Variants in DNAH10 observed in about 807,000 individuals in gnomAD.
DNAH10 encodes axonemal beta dynein heavy chain 10.
DNAH10 carries 348 observed loss-of-function variants against 506.6 expected under a neutral mutation model. That is an observed-to-expected ratio of 0.69 (90% confidence interval 0.63 to 0.75). The LOEUF (loss-of-function observed/expected upper bound fraction) is 0.75, where lower values mean the gene tolerates loss of function less well. Among genes scored for constraint, DNAH10 ranks in the 30% least tolerant of loss-of-function variants. The pLI, the probability that DNAH10 is intolerant of heterozygous loss-of-function variation, is 0.00. For missense variants in DNAH10, 5,179 were observed against 5,787.1 expected (o/e 0.89, Z 3.41); for synonymous variants, 2,059 against 2,198.6 (o/e 0.94, Z 1.78).
chr12:123,797,028 G>A (rs945192998), intron 13 of DNAH10, among the ~76,000 whole-genome samples, 196 bp downstream of exon 13: 2 of 152,122 alleles, frequency 1.3e-5, no homozygotes, highest in Non-Finnish European at 2.9e-5. Flanking sequence ...GTGCCACCAC[G>A]TCCGGCTAAT....
intron 38 of DNAH10, among the ~76,000 whole-genome samples, chr12:123,859,524 C>T (rs1397391944): frequency 6.6e-6 from 1 of 152,192 alleles, no homozygotes; most frequent in Admixed American, 6.5e-5. Flanking sequence ...ATTTCACAAA[C>T]TATCTTATAA....
At position 123,799,255 on chromosome 12, in the gene DNAH10, A is replaced by C; in HGVS notation, c.2173A>C (p.Lys725Gln). The change falls in exon 14 of 79, where the codon AAA becomes CAA. Residue 725 changes from lysine (K) to glutamine (Q), a missense_variant. Physicochemically the swap from Lys to Gln is moderately conservative, Grantham distance 53. Transcript: ENST00000673944. ...TTGAATTCTTTGATAGGTCAAACAA[A>C]AATATTTGGAAGTAGGTAGGACAAT... is the stretch of plus-strand genomic sequence containing the variant. Reference protein sequence around the residue: ...DSDRGQEVKQKYLEVGRTMKE... With the variant: ...DSDRGQEVKQQYLEVGRTMKE... 3 of 1,607,404 alleles carry C rather than the reference A, an allele frequency of 1.9e-6. No individual in the cohort carries two copies. The highest frequency in any genetic ancestry group is 2.6e-6 in the Non-Finnish European group (3 of 1,175,542).
rs1954308152 is a variant in DNAH10 at position 123,913,169 on chromosome 12, A to C, written c.10206A>C (p.Ala3402=). 6.2e-7 allele frequency: 1 copy of C among 1,611,624 alleles called. No homozygotes were observed. The highest frequency in any genetic ancestry group is 1.3e-5 in the African/African-American group (1 of 74,922). ...ELERIQNELA[A]IQKELETLGA... is the part of the protein sequence containing the mutation. ...AAAGGATCCAGAATGAGTTGGCAGCAATTCAGAAAGAGCTGGAAACATTGG... is the reference window on the plus strand; with the variant it reads ...AAAGGATCCAGAATGAGTTGGCAGCCATTCAGAAAGAGCTGGAAACATTGG... Residue 3402 remains alanine (A), a synonymous_variant, in exon 60 of 79, where the codon GCA becomes GCC. Coordinates refer to ENST00000673944, the MANE Select transcript of DNAH10 (RefSeq NM_001372106.1). The surrounding 1 kb of genome is among the most constrained non-coding windows in gnomAD (Gnocchi z 5.1).
chr12:123,816,010 C>G (rs924642876), intron 21 of DNAH10, among the ~76,000 whole-genome samples: 2 of 152,226 alleles, frequency 1.3e-5, no homozygotes, highest in Admixed American at 1.3e-4. Context: ...TTTTGTTGCT[C>G]TTTGATCTTT....
In DNAH10 at chr12:123,850,955, C is replaced by T. The variant is rs760818646; in HGVS notation, c.6170C>T (p.Ala2057Val). 2.5e-6 allele frequency: 4 copies of T among 1,613,932 alleles called. No individual in the cohort carries two copies. In the African/African-American group the frequency reaches 5.3e-5, roughly 22 times the overall value. ...TTCATCACCATGAACCCCGGCTACG[C>T]AGGCCGCACGGAGCTGCCCGAGTCG... ...GIFITMNPGY[A>V]GRTELPESVK... Residue 2057 changes from alanine to valine, a missense_variant, in exon 35 of 79, where the codon GCA (alanine) becomes GTA (valine). By Grantham distance (64) the Ala-to-Val change is moderately conservative. This residue lies in a region of DNAH10 where 4,844 missense variants were observed against 5,430.5 expected (regional missense o/e 0.89). Coordinates refer to ENST00000673944, the MANE Select transcript of DNAH10 (RefSeq NM_001372106.1). This position sits in a 1 kb window ranked among gnomAD's most constrained non-coding sequence, Gnocchi z 5.5.
chr12:123,891,485 C>G (rs1440403693), intron 52 of DNAH10, among the ~76,000 whole-genome samples: 1 of 152,136 alleles, frequency 6.6e-6, no homozygotes, highest in Non-Finnish European at 1.5e-5. Flanking sequence ...GAGTCACTGA[C>G]ATGTGGTGGG....
At position 123,796,800 on chromosome 12, in the gene DNAH10, C is replaced by T. The variant is rs748589830; in HGVS notation, c.2131C>T (p.Gln711Ter). 3 of 1,613,802 alleles carry T rather than the reference C, an allele frequency of 1.9e-6. No individual in the cohort carries two copies. Among genetic ancestry groups the T allele is most frequent in the South Asian group, 1.1e-5 (1 of 91,000 alleles). Residue 711 changes from glutamine to a stop codon, truncating the protein, a stop_gained, in exon 13 of 79, where the codon CAA becomes TAA. Coordinates refer to ENST00000673944, the MANE Select transcript of DNAH10 (RefSeq NM_001372106.1). LOFTEE classifies it high-confidence loss of function. ...KHTILRFQEV[Q>*]EILDSDRGQE... ...TACCATCCTCCGATTTCAAGAGGTA[C>T]AAGAGATACTGGACAGTGATCGAGG...
At chr12:123,914,626 G>A in intron 61 of DNAH10, 76 bp downstream of exon 61, 2 of 1,490,254 alleles carry the variant, frequency 1.3e-6, no homozygotes, top group Non-Finnish European at 1.8e-6. Flanking sequence ...CACCCTGGGG[G>A]GAGGCAATGG....
chr12:123,923,586 T>C, intron 65 of DNAH10, 177 bp from the exon 66 acceptor site: 1 of 535,738 alleles, frequency 1.9e-6, no homozygotes, highest in East Asian at 3.2e-5. Flanking sequence ...ACCTAGGAAC[T>C]GAGCTCATCT....
intron 25 of DNAH10, among the ~76,000 whole-genome samples, chr12:123,828,903 T>A (rs1960248611): frequency 6.6e-6 from 1 of 152,170 alleles, no homozygotes; most frequent in Non-Finnish European, 1.5e-5. Context: ...TTGAAAGGAC[T>A]GGGCGGGAAC....
chr12:123,818,699 C>T (rs917720564), intron 21 of DNAH10, among the ~76,000 whole-genome samples: 6 of 152,116 alleles, frequency 3.9e-5, no homozygotes, highest in African/African-American at 1.4e-4. Flanking sequence ...CCAGGCTGGT[C>T]TCAAACTCCT....
intron 5 of DNAH10, among the ~76,000 whole-genome samples, chr12:123,776,509 G>A (rs887724898): frequency 6.6e-6 from 1 of 151,980 alleles, no homozygotes; most frequent in African/African-American, 2.4e-5. Context: ...CTGAGATGGA[G>A]GATGGGGAGA....
At chr12:123,776,098 C>T (rs1957427526) in intron 5 of DNAH10, among the ~76,000 whole-genome samples, 1 of 152,140 alleles carries the variant, frequency 6.6e-6, no homozygotes, top group Non-Finnish European at 1.5e-5. Context: ...TTACCTCCCA[C>T]CAGGTCTCTC....
chr12:123,905,113 A>G (rs1953714504), intron 57 of DNAH10, among the ~76,000 whole-genome samples: 1 of 152,134 alleles, frequency 6.6e-6, no homozygotes, highest in African/African-American at 2.4e-5. Flanking sequence ...ATAACACCCT[A>G]TGCATATCTT....
chr12:123,896,148 C>CACACACACACAT (rs1383690518), intron 54 of DNAH10, among the ~76,000 whole-genome samples: 26 of 95,322 alleles, frequency 2.7e-4, no homozygotes, highest in Non-Finnish European at 3.9e-4. Context: ...CACACACACA[C>CACACACACACAT]AGAGAGAGAG....
chr12:123,931,822 C>G lies in DNAH10; in HGVS notation c.13103C>G (p.Thr4368Arg). The change falls in exon 75 of 79, where the codon ACG becomes AGG. Residue 4368 changes from threonine to arginine, a missense_variant. Around this residue, in one of 3 missense-constraint regions of DNAH10, gnomAD observed 4,844 missense variants for 5,430.5 expected, o/e 0.89. Transcript: ENST00000673944. The part of the protein sequence containing the change: ...ERFNKLVVRM[T>R]KSLAELQRAL... ...TTCAACAAGCTTGTGGTCCGGATGA[C>G]GAAGTCTCTGGCTGAACTTCAAAGG... The G allele has an allele frequency of 1.9e-6, 3 of 1,614,002 alleles. No individual in the cohort carries two copies. The highest frequency in any genetic ancestry group is 2.5e-6 in the Non-Finnish European group (3 of 1,179,882).
intron 11 of DNAH10, among the ~76,000 whole-genome samples, chr12:123,791,050 C>T (rs184413066): frequency 6.6e-6 from 1 of 152,188 alleles, no homozygotes; most frequent in African/African-American, 2.4e-5. Flanking sequence ...TCCCTTCAAC[C>T]TGGGAGGCTG....
At position 123,830,609 on chromosome 12, in the gene DNAH10, G is replaced by C. The variant is rs774278004; in HGVS notation, c.4455G>C (p.Leu1485Phe). The C allele has an allele frequency of 1.9e-6, 3 of 1,613,710 alleles. No individual in the cohort carries two copies. The highest frequency in any genetic ancestry group is 2.5e-6 in the Non-Finnish European group (3 of 1,179,800). Residue 1485 changes from leucine to phenylalanine, a missense_variant, in exon 26 of 79, where the codon TTG becomes TTC. Coordinates refer to ENST00000673944, the MANE Select transcript of DNAH10 (RefSeq NM_001372106.1). ...TTGAAATGACCGAAACGTTCACCTTGGAAAATATGTTTGCTATGGAACTGC... is the reference window on the plus strand; with the variant it reads ...TTGAAATGACCGAAACGTTCACCTTCGAAAATATGTTTGCTATGGAACTGC... ...VFFEMTETFT[L>F]ENMFAMELHK...
intron 1 of DNAH10, among the ~76,000 whole-genome samples, chr12:123,766,667 A>T (rs2135954544): frequency 6.6e-6 from 1 of 152,264 alleles, no homozygotes; most frequent in South Asian, 2.1e-4. Flanking sequence ...TAAAAATGAA[A>T]TGCATCTGTA....
Sources: gnomAD v4.1 joint callset for allele counts (sites outside exome capture counted in the v4.1 genomes callset) on GRCh38, gnomAD v4.1.1 for gene constraint, gnomAD v4.1.1 regional missense constraint, Gnocchi (gnomAD v3.1) non-coding constraint, MANE v1.5 for transcripts, NCBI Gene and HGNC (gene_info 2026-07-23, HGNC 2026-07-21) for gene names.